Variants in CRTC3 observed in about 807,000 individuals in gnomAD.
CRTC3 encodes the protein CREB-regulated transcription coactivator 3.
In CRTC3, 26 loss-of-function variants were observed where a neutral mutation model predicts 74.5. The observed-to-expected ratio is 0.35, with a 90% confidence interval of 0.26 to 0.48. The LOEUF is 0.48. CRTC3 is among the 20% of genes least tolerant of loss of function. The pLI is 0.99. For missense variants in CRTC3, 760 were observed against 787.3 expected (o/e 0.97, Z 0.41); for synonymous variants, 377 against 325.8 (o/e 1.16, Z -1.69).
intron 4 of CRTC3, 143 bp downstream of exon 4, chr15:90,602,528 G>A (rs1968096176): frequency 1.7e-6 from 1 of 603,830 alleles, no homozygotes; most frequent in Non-Finnish European, 2.9e-6. Context: ...ATTTCAGTGG[G>A]AGGATCACTT....
chr15:90,543,816 A>T (rs547753710), intron 2 of CRTC3, among the ~76,000 whole-genome samples: 5 of 152,270 alleles, frequency 3.3e-5, no homozygotes, highest in Admixed American at 2.0e-4. Flanking sequence ...GAAGATGTAG[A>T]ATAGTTCCAT....
intron 6 of CRTC3, among the ~76,000 whole-genome samples, chr15:90,612,269 C>G (rs970162245): frequency 6.6e-6 from 1 of 152,008 alleles, no homozygotes; most frequent in Non-Finnish European, 1.5e-5. Context: ...ATAGCATCTA[C>G]GTCGCAGAGT....
intron 2 of CRTC3, among the ~76,000 whole-genome samples, chr15:90,586,602 C>A (rs188738844): frequency 2.5e-4 from 38 of 152,128 alleles, no homozygotes; most frequent in African/African-American, 9.2e-4. Context: ...ACCTCATGAT[C>A]ACCCACCTTG....
At position 90,629,506 on chromosome 15, in the gene CRTC3, C is replaced by G; in HGVS notation, c.1240C>G (p.Pro414Ala). 6.2e-7 allele frequency: 1 copy of G among 1,614,112 alleles called. No homozygotes were observed. Among genetic ancestry groups the G allele is most frequent in the Non-Finnish European group, 8.5e-7 (1 of 1,180,014 alleles). The change falls in exon 11 of 15, where the codon CCA becomes GCA. Residue 414 changes from proline to alanine, a missense_variant. Around this residue, in one of 2 missense-constraint regions of CRTC3, gnomAD observed 652 missense variants for 635.2 expected, o/e 1.03. Coordinates refer to ENST00000268184, the MANE Select transcript of CRTC3 (RefSeq NM_022769.5). Reference sequence around the variant, plus strand: ...CAGCAGACAGCTGTCTTCAACCAGCCCACTGGCCCCATATCCTACCTCCCA... The same window carrying G: ...CAGCAGACAGCTGTCTTCAACCAGCGCACTGGCCCCATATCCTACCTCCCA... ...GFSRQLSSTS[P>A]LAPYPTSQMV...
intron 3 of CRTC3, chr15:90,597,840 C>T (rs1967965849): frequency 6.6e-6 from 1 of 152,206 alleles, no homozygotes; most frequent in Non-Finnish European, 1.5e-5. Context: ...ACAGGATGTT[C>T]TTATAAATGC....
At chr15:90,579,683 C>G (rs1967491707) in intron 2 of CRTC3, among the ~76,000 whole-genome samples, 1 of 133,770 alleles carries the variant, frequency 7.5e-6, no homozygotes, top group African/African-American at 3.0e-5. Flanking sequence ...GTTCTGTTAC[C>G]CAGGCTGGAG....
chr15:90,618,670 C>T (rs1438313514), intron 8 of CRTC3, among the ~76,000 whole-genome samples: 1 of 152,226 alleles, frequency 6.6e-6, no homozygotes, highest in South Asian at 2.1e-4. Flanking sequence ...ACTATCCCCA[C>T]CTGTTTAGGA....
At chr15:90,575,873 A>G (rs1374702599) in intron 2 of CRTC3, among the ~76,000 whole-genome samples, 2 of 152,208 alleles carry the variant, frequency 1.3e-5, no homozygotes, top group African/African-American at 4.8e-5. Flanking sequence ...CAACCAAATG[A>G]ACTTTAAAAT....
intron 2 of CRTC3, among the ~76,000 whole-genome samples, chr15:90,548,889 A>G (rs967006548): frequency 1.2e-4 from 18 of 152,314 alleles, no homozygotes; most frequent in African/African-American, 4.1e-4. Context: ...AAGATAATAA[A>G]GAGTTACACC....
chr15:90,567,640 A>G (rs1384530064), intron 2 of CRTC3, among the ~76,000 whole-genome samples: 1 of 152,018 alleles, frequency 6.6e-6, no homozygotes, highest in African/African-American at 2.4e-5. Flanking sequence ...GTGAGCCAAA[A>G]TTGTGCCATT....
chr15:90,576,687 C>T (rs1399557349), intron 2 of CRTC3, among the ~76,000 whole-genome samples: 1 of 152,112 alleles, frequency 6.6e-6, no homozygotes, highest in African/African-American at 2.4e-5. Flanking sequence ...CGGCATGGAG[C>T]CCCAGGAGCC....
chr15:90,631,726 CAA>C (rs71463748), intron 11 of CRTC3, among the ~76,000 whole-genome samples: 5 of 110,044 alleles, frequency 4.5e-5, no homozygotes, highest in Non-Finnish European at 3.8e-5. Context: ...TACTCTGTCT[CAA>C]AAAAAAAAAA....
chr15:90,644,822 C>G lies in CRTC3; in HGVS notation c.*2682C>G. On this transcript the variant is annotated 3_prime_UTR_variant, in exon 15 of 15. Transcript: ENST00000268184. ...AAGCAGCTGCATACTTCAGAGTAAA[C>G]TATTTTTCATTATTTAGTTTTGTCA... 1 of 232,370 alleles carries G rather than the reference C, an allele frequency of 4.3e-6. No homozygotes were observed. 14.4% of individuals were successfully genotyped at this position (232,370 alleles called of 1,614,324 possible).
rs139171186 is a variant in CRTC3, at chr15:90,549,967, G to A, written c.231+9830G>A. Among the ~76,000 whole-genome samples the A allele has an allele frequency of 9.0e-4, 136 of 151,010 alleles. 1 individual carries two copies. Among genetic ancestry groups the A allele is most frequent in the African/African-American group, 3.3e-3 (135 of 41,366 alleles). On this transcript the variant is annotated intron_variant, in intron 2 of 14. Coordinates refer to ENST00000268184, the MANE Select transcript of CRTC3 (RefSeq NM_022769.5). Reference sequence around the variant, plus strand: ...GATTTGCCCGCCCTGGCCTCCCAAAGTGCTGGGATTACAGGCGTGAGCCAC... The same window carrying A: ...GATTTGCCCGCCCTGGCCTCCCAAAATGCTGGGATTACAGGCGTGAGCCAC...
At chr15:90,636,395 C>T (rs924824599) in intron 11 of CRTC3, among the ~76,000 whole-genome samples, 1 of 146,586 alleles carries the variant, frequency 6.8e-6, no homozygotes, top group African/African-American at 2.5e-5. Context: ...ACACCTTATA[C>T]AAAAATTAAT....
chr15:90,612,903 C>G (rs1469473614), intron 6 of CRTC3, among the ~76,000 whole-genome samples: 1 of 152,018 alleles, frequency 6.6e-6, no homozygotes. Flanking sequence ...CCTGAGACGA[C>G]AATTAAAAAT....
At chr15:90,563,432 A>G (rs1967056265) in intron 2 of CRTC3, among the ~76,000 whole-genome samples, 1 of 152,140 alleles carries the variant, frequency 6.6e-6, no homozygotes, top group Admixed American at 6.5e-5. Context: ...AATAAAATAA[A>G]AATAAAAGTT....
chr15:90,542,256 G>GC (rs1966815446), intron 2 of CRTC3, among the ~76,000 whole-genome samples: 1 of 149,334 alleles, frequency 6.7e-6, no homozygotes, highest in African/African-American at 2.5e-5. Flanking sequence ...TCAGCTTACT[G>GC]CAACTTCCAG....
chr15:90,576,896 A>AG (rs1316271118), intron 2 of CRTC3, among the ~76,000 whole-genome samples: 1 of 152,192 alleles, frequency 6.6e-6, no homozygotes, highest in East Asian at 1.9e-4. Flanking sequence ...TTCATCACAA[A>AG]GCTTGGCTGT....
Sources: gnomAD v4.1 joint callset for allele counts (sites outside exome capture counted in the v4.1 genomes callset) on GRCh38, gnomAD v4.1.1 for gene constraint, gnomAD v4.1.1 regional missense constraint, MANE v1.5 for transcripts, NCBI Gene and HGNC (gene_info 2026-07-23, HGNC 2026-07-21) for gene names.